The following PDS5A variants were observed in gnomAD, a reference collection of about 807,000 sequenced individuals.
PDS5A encodes the protein PDS5 cohesin associated factor A, also known as sister chromatid cohesion protein PDS5 homolog A.
PDS5A carries 42 observed loss-of-function variants against 167.1 expected under a neutral mutation model. That is an observed-to-expected ratio of 0.25 (90% CI 0.20 to 0.33). PDS5A has a LOEUF of 0.33. PDS5A is among the 10% of genes least tolerant of loss of function. The pLI, the probability that PDS5A is intolerant of heterozygous loss-of-function variation, is 1.00. For missense variants in PDS5A, 1,033 were observed against 1,605.9 expected, an observed-to-expected ratio of 0.64 and a Z score of 6.10; for synonymous variants, 553 against 554.6, an observed-to-expected ratio of 1.00 and a Z score of 0.04.
intron 17 of PDS5A, among the ~76,000 whole-genome samples, chr4:39,888,987 T>A (rs1293991121): frequency 6.6e-6 from 1 of 152,216 alleles, no homozygotes; most frequent in Admixed American, 6.6e-5. Flanking sequence ...TATTAAATTA[T>A]CAGACATAGC....
chr4:39,935,362 C>T (rs374764788), intron 2 of PDS5A, among the ~76,000 whole-genome samples: 8 of 152,266 alleles, frequency 5.3e-5, no homozygotes, highest in South Asian at 2.1e-4. Context: ...CCTCCCAAAG[C>T]GCTGGGATTA....
At chr4:39,959,968 C>A (rs190800323) in intron 2 of PDS5A, among the ~76,000 whole-genome samples, 19 of 152,174 alleles carry the variant, frequency 1.2e-4, no homozygotes, top group African/African-American at 4.3e-4. Context: ...GGTACGTAAC[C>A]AGCAGTCCCA....
intron 6 of PDS5A, 24 bp downstream of exon 6, chr4:39,922,598 T>A (rs1365528726): frequency 6.6e-7 from 1 of 1,512,176 alleles, no homozygotes; most frequent in African/African-American, 1.4e-5. Flanking sequence ...ACATTAACCT[T>A]GAATATCTTC....
At chr4:39,947,080 T>G (rs534756437) in intron 2 of PDS5A, among the ~76,000 whole-genome samples, 1 of 152,108 alleles carries the variant, frequency 6.6e-6, no homozygotes, top group East Asian at 1.9e-4. Context: ...CTATCTCTAT[T>G]GAGAAAAAAA....
At chr4:39,937,596 A>T (rs1411684503) in intron 2 of PDS5A, among the ~76,000 whole-genome samples, 3 of 151,940 alleles carry the variant, frequency 2.0e-5, no homozygotes, top group Non-Finnish European at 2.9e-5. Context: ...ATTTATTATT[A>T]TTGGTAGAGA....
At chr4:39,942,581 C>T (rs1266735516) in intron 2 of PDS5A, among the ~76,000 whole-genome samples, 1 of 152,090 alleles carries the variant, frequency 6.6e-6, no homozygotes, top group Non-Finnish European at 1.5e-5. Flanking sequence ...CATGCACCAC[C>T]ACACTCACCT....
intron 2 of PDS5A, among the ~76,000 whole-genome samples, chr4:39,935,050 G>A (rs1460508666): frequency 6.6e-6 from 1 of 152,090 alleles, no homozygotes; most frequent in African/African-American, 2.4e-5. Flanking sequence ...TTCTTTTATG[G>A]TTTGTGCTTT....
intron 17 of PDS5A, among the ~76,000 whole-genome samples, chr4:39,886,466 C>G (rs544825931): frequency 3.9e-5 from 6 of 152,242 alleles, no homozygotes; most frequent in Non-Finnish European, 7.4e-5. Context: ...GTAATTCCAG[C>G]ACTTTGGGAG....
In PDS5A at chr4:39,908,288, TTTGA is replaced by T. The variant is rs1723572593; in HGVS notation, c.1233+103_1233+106del. On this transcript the variant is annotated intron_variant, in intron 11 of 32. Coordinates refer to ENST00000303538, the MANE Select transcript of PDS5A (RefSeq NM_001100399.2). Reference sequence around the variant, plus strand: ...AGGAGCTCTTTATCATTGTTATTAATTTGATTTTCACACAGAAAGACATTAAATG... The same window carrying T: ...AGGAGCTCTTTATCATTGTTATTAATTTTTCACACAGAAAGACATTAAATG... 4 of 866,166 alleles carry T rather than the reference TTTGA, an allele frequency of 4.6e-6. No individual in the cohort carries two copies. The South Asian group carries it at 5.7e-5, about 12-fold the overall frequency. The allele number at this position is 866,166 out of a possible 1,614,324, so 53.7% of individuals were successfully genotyped here.
At chr4:39,931,844 A>G (rs1348825339) in intron 2 of PDS5A, among the ~76,000 whole-genome samples, 1 of 151,194 alleles carries the variant, frequency 6.6e-6, no homozygotes, top group African/African-American at 2.4e-5. Flanking sequence ...TCATATGTAT[A>G]CCTTATATAG....
intron 25 of PDS5A, among the ~76,000 whole-genome samples, chr4:39,862,570 A>C (rs191328665): frequency 4.3e-4 from 65 of 152,294 alleles, no homozygotes; most frequent in Admixed American, 3.6e-3. Flanking sequence ...TAAACCCATT[A>C]AACAACAGGT....
At chr4:39,869,866 G>C (rs931840885) in intron 21 of PDS5A, among the ~76,000 whole-genome samples, 3 of 152,158 alleles carry the variant, frequency 2.0e-5, no homozygotes, top group Admixed American at 6.5e-5. Flanking sequence ...CAGCACTATG[G>C]GGGGATGAGG....
intron 2 of PDS5A, among the ~76,000 whole-genome samples, chr4:39,975,646 TCCAATCTAGCACCAATTGTGACAA>T (rs973577933): frequency 6.6e-6 from 1 of 152,206 alleles, no homozygotes; most frequent in African/African-American, 2.4e-5. Flanking sequence ...CTTCCCCTAC[TCCAATCTAGCACCAATTGTGACAA>T]CCAAAATGTC....
In PDS5A at chr4:39,849,541, T is replaced by C; in HGVS notation, c.3198A>G (p.Pro1066=). The C allele has an allele frequency of 6.2e-7, 1 of 1,611,628 alleles. No homozygotes were observed. The highest frequency in any genetic ancestry group is 8.5e-7 in the Non-Finnish European group (1 of 1,177,960). Residue 1066 remains proline (P), a synonymous_variant, in exon 27 of 33, where the codon CCA becomes CCG. Transcript: ENST00000303538. ...NIKLTRDAQS[P]DESKTNEKLY... is the part of the protein sequence containing the mutation. ...TTACTTCATTTGTCTTGGATTCATC[T>C]GGAGACTGGGCATCTCTGGTTAACT...
intron 21 of PDS5A, among the ~76,000 whole-genome samples, chr4:39,871,435 T>C (rs1307758583): frequency 6.6e-6 from 1 of 152,106 alleles, no homozygotes; most frequent in African/African-American, 2.4e-5. Flanking sequence ...AAATGAGACT[T>C]AGGCCACGTT....
chr4:39,833,900 G>A (rs1578568440), intron 32 of PDS5A, among the ~76,000 whole-genome samples: 1 of 152,216 alleles, frequency 6.6e-6, no homozygotes. Context: ...CTCAATGGCT[G>A]TTAAAACCCT....
chr4:39,878,362 G>A (rs533669890), intron 18 of PDS5A, among the ~76,000 whole-genome samples: 15 of 152,232 alleles, frequency 9.9e-5, no homozygotes, highest in South Asian at 4.1e-4. Flanking sequence ...TTGGGAGGCC[G>A]AAGCGGGCTG....
chr4:39,924,811 C>A (rs1725304859), intron 5 of PDS5A, among the ~76,000 whole-genome samples: 8 of 152,128 alleles, frequency 5.3e-5, no homozygotes. Context: ...GCTTAATTTA[C>A]TATACAAAAA....
At chr4:39,924,682 CAT>C (rs1372878658) in intron 5 of PDS5A, among the ~76,000 whole-genome samples, 3 of 152,262 alleles carry the variant, frequency 2.0e-5, no homozygotes, top group East Asian at 1.9e-4. Flanking sequence ...GAATAAATAA[CAT>C]ATATTATCAA....
Sources: allele counts gnomAD v4.1 joint callset (sites outside exome capture counted in the v4.1 genomes callset), GRCh38; gene constraint gnomAD v4.1.1; transcripts MANE v1.5; gene names NCBI Gene and HGNC (gene_info 2026-07-23, HGNC 2026-07-21).